DDR2: variants seen among roughly 807,000 people sequenced by gnomAD.
DDR2 encodes discoidin domain-containing receptor 2.
DDR2 carries 27 observed loss-of-function variants against 94.9 expected under a neutral mutation model. The ratio of observed to expected loss-of-function variants is 0.28; its 90% CI spans 0.21 to 0.39. The LOEUF (loss-of-function observed/expected upper bound fraction) is 0.39. Ranked by LOEUF, DDR2 falls within the 10% of genes least tolerant of loss-of-function variation. The probability of loss-of-function intolerance (pLI) is 1.00; values close to 1 mark genes in which losing one functional copy is unlikely to be tolerated. For missense variants in DDR2, 783 were observed against 1,076.0 expected (o/e 0.73, Z 3.81); for synonymous variants, 382 against 377.2 (o/e 1.01, Z -0.15).
At chr1:162,729,352 C>T (rs999179561) in intron 3 of DDR2, among the ~76,000 whole-genome samples, 5 of 131,236 alleles carry the variant, frequency 3.8e-5, no homozygotes, top group African/African-American at 5.9e-5. Context: ...GTTGACTTAG[C>T]TCTTGGTCCT....
intron 3 of DDR2, among the ~76,000 whole-genome samples, chr1:162,729,280 T>TTATATATATATA (rs1194740607): frequency 1.4e-5 from 1 of 69,760 alleles, no homozygotes; most frequent in African/African-American, 5.2e-5. Context: ...GCATATCCAT[T>TTATATATATATA]TATATATATA....
At chr1:162,741,874 C>T (rs1019978322) in intron 3 of DDR2, among the ~76,000 whole-genome samples, 2 of 152,220 alleles carry the variant, frequency 1.3e-5, no homozygotes, top group South Asian at 2.1e-4. Flanking sequence ...ACTTAGCACA[C>T]TCAGCGACAT....
chr1:162,786,922 C>A lies in DDR2; in HGVS notation c.*6676C>A, dbSNP rs1648174188. 6.6e-6 allele frequency: 1 copy of A among 152,146 alleles called. No individual in the cohort carries two copies. The highest frequency in any genetic ancestry group is 6.6e-5 in the Admixed American group (1 of 15,264). 9.4% of individuals were successfully genotyped at this position (152,146 alleles called of 1,614,324 possible). On this transcript the variant is annotated 3_prime_UTR_variant, in exon 18 of 18. Transcript: ENST00000367921. ...TTACAGACTTGTCTTGTTTGATACA[C>A]AGAAATCCTTTTTAAATCCAAATAT... is the stretch of plus-strand genomic sequence containing the variant.
intron 2 of DDR2, among the ~76,000 whole-genome samples, chr1:162,664,032 A>C (rs1255345841): frequency 6.6e-6 from 1 of 152,160 alleles, no homozygotes; most frequent in African/African-American, 2.4e-5. Flanking sequence ...GGGGGAGGAC[A>C]GGAGTGAGAA....
At chr1:162,693,825 G>A (rs546072375) in intron 2 of DDR2, among the ~76,000 whole-genome samples, 1 of 152,286 alleles carries the variant, frequency 6.6e-6, no homozygotes, top group South Asian at 2.1e-4. Flanking sequence ...CAAAGGCCCT[G>A]CATTGGGATC....
chr1:162,663,190 T>C (rs957735079), intron 2 of DDR2, among the ~76,000 whole-genome samples: 1 of 152,130 alleles, frequency 6.6e-6, no homozygotes, highest in Non-Finnish European at 1.5e-5. Context: ...ATGGAACCAT[T>C]AGATTGAAAA....
intron 3 of DDR2, among the ~76,000 whole-genome samples, chr1:162,726,734 G>T (rs546838109): frequency 1.3e-5 from 2 of 152,062 alleles, no homozygotes; most frequent in African/African-American, 4.8e-5. Flanking sequence ...TTTGCTCAGG[G>T]CTCTCGTGTG....
At chr1:162,678,709 C>T (rs192440905) in intron 2 of DDR2, among the ~76,000 whole-genome samples, 25 of 152,222 alleles carry the variant, frequency 1.6e-4, no homozygotes, top group Non-Finnish European at 2.4e-4. Context: ...CCCGTAAAAC[C>T]GTCTGTCCTC....
At chr1:162,723,222 G>C (rs907710719) in intron 3 of DDR2, among the ~76,000 whole-genome samples, 14 of 152,300 alleles carry the variant, frequency 9.2e-5, no homozygotes, top group Non-Finnish European at 1.5e-4. Context: ...ATGGCTGAGA[G>C]GAGGGTGAGG....
At chr1:162,657,474 T>C (rs1397340166) in intron 2 of DDR2, among the ~76,000 whole-genome samples, 2 of 152,214 alleles carry the variant, frequency 1.3e-5, no homozygotes, top group Non-Finnish European at 2.9e-5. Context: ...AAGTTATTAA[T>C]AGGTAATCTG....
intron 3 of DDR2, among the ~76,000 whole-genome samples, chr1:162,750,581 A>G (rs2102119095): frequency 6.6e-6 from 1 of 152,308 alleles, no homozygotes; most frequent in Non-Finnish European, 1.5e-5. Flanking sequence ...AAGGTAATTT[A>G]TAGATTCAAT....
chr1:162,686,129 G>A (rs540592080), intron 2 of DDR2, among the ~76,000 whole-genome samples: 4 of 152,258 alleles, frequency 2.6e-5, no homozygotes, highest in African/African-American at 7.2e-5. Flanking sequence ...GGGTTCAAGC[G>A]ATTCTCCTAC....
intron 2 of DDR2, among the ~76,000 whole-genome samples, chr1:162,659,610 T>A (rs369687369): frequency 2.3e-4 from 35 of 152,238 alleles, no homozygotes; most frequent in African/African-American, 7.7e-4. Context: ...CTGGACACCA[T>A]TTTAGGGATT....
Position 162,785,035 on chromosome 1 carries a change from G to T in DDR2, c.*4789G>T, listed in dbSNP as rs1648094077. The T allele has an allele frequency of 6.6e-6, 1 of 152,208 alleles. No individual in the cohort carries two copies. The highest frequency in any genetic ancestry group is 1.5e-5 in the Non-Finnish European group (1 of 68,032). The allele number at this position is 152,208 out of a possible 1,614,324, so 9.4% of individuals were successfully genotyped here. A position where few individuals can be genotyped will look rare whatever the true frequency, so the allele number is the denominator to read the frequency against. ...TTAGAGAGACTATTAACACATTAAT[G>T]TGTTCCTTTGTCATGAGCAATACCC... On this transcript the variant is annotated 3_prime_UTR_variant, in exon 18 of 18. Transcript: ENST00000367921.
intron 16 of DDR2, 86 bp from the exon 17 acceptor site, chr1:162,778,494 G>A (rs2102205176): frequency 1.3e-6 from 2 of 1,531,856 alleles, no homozygotes; most frequent in East Asian, 4.5e-5. Context: ...GTGGGGGAAG[G>A]GGTATAGCTG....
At chr1:162,747,019 T>A (rs1462567522) in intron 3 of DDR2, among the ~76,000 whole-genome samples, 6 of 152,014 alleles carry the variant, frequency 3.9e-5, no homozygotes, top group Non-Finnish European at 8.8e-5. Flanking sequence ...TAGGTCACCA[T>A]CATCAAAGAC....
In DDR2 at chr1:162,775,827, G is replaced by A. The variant is rs759124429; in HGVS notation, c.2032G>A (p.Asp678Asn). Residue 678 changes from aspartate to asparagine, a missense_variant, in exon 15 of 18, where the codon GAT (aspartate) becomes AAT (asparagine). Coordinates refer to ENST00000367921, the MANE Select transcript of DDR2 (RefSeq NM_006182.4). ...CGAGCCCCCTAATTCTTCCTCCAGC[G>A]ATGTACGCACTGTCAGGTAAACAAG... is the stretch of plus-strand genomic sequence containing the variant. ...RHEPPNSSSSDVRTVSYTNLK... is the reference protein window; with the variant it reads ...RHEPPNSSSSNVRTVSYTNLK... The A allele has an allele frequency of 7.4e-6, 12 of 1,613,926 alleles. No individual in the cohort carries two copies. In the East Asian group the frequency reaches 8.9e-5, roughly 12 times the overall value.
intron 3 of DDR2, chr1:162,741,803 G>A (rs1468018128): frequency 1.0e-6 from 1 of 957,620 alleles, no homozygotes; most frequent in Admixed American, 6.2e-5. Flanking sequence ...ATGTAGCCCA[G>A]GTTAAAGGCC....
intron 3 of DDR2, among the ~76,000 whole-genome samples, chr1:162,728,982 G>C (rs916482452): frequency 6.6e-6 from 1 of 151,994 alleles, no homozygotes; most frequent in Non-Finnish European, 1.5e-5. Context: ...GGGATTGAAA[G>C]AGATAATGGA....
Sources: allele counts gnomAD v4.1 joint callset (sites outside exome capture counted in the v4.1 genomes callset), GRCh38; gene constraint gnomAD v4.1.1; transcripts MANE v1.5; gene names NCBI Gene and HGNC (gene_info 2026-07-23, HGNC 2026-07-21).